The following PRMT8 variants were observed in gnomAD, a reference collection of about 807,000 sequenced individuals.
PRMT8 encodes protein arginine methyltransferase 8.
In PRMT8, 7 loss-of-function variants were observed where a neutral mutation model predicts 47.1. The ratio of observed to expected loss-of-function variants is 0.15; its 90% CI spans 0.08 to 0.28. The LOEUF (loss-of-function observed/expected upper bound fraction) is 0.28, where lower values mean the gene tolerates loss of function less well. PRMT8 is among the 10% of genes least tolerant of loss of function. The pLI, the probability that PRMT8 is intolerant of heterozygous loss-of-function variation, is 1.00. For synonymous variants in PRMT8, 188 were observed against 186.5 expected (o/e 1.01, Z -0.07); for missense variants, 237 against 505.4 (o/e 0.47, Z 5.09).
At chr12:3,568,983 C>CTA in intron 5 of PRMT8, 135 bp downstream of exon 5, 2 of 1,210,040 alleles carry the variant, frequency 1.7e-6, no homozygotes, top group East Asian at 4.7e-5. Flanking sequence ...AAGCCCCTCT[C>CTA]TCTAGAGCAG....
At chr12:3,428,285 G>A (rs1375433497) in intron 1 of PRMT8, among the ~76,000 whole-genome samples, 1 of 151,316 alleles carries the variant, frequency 6.6e-6, no homozygotes, top group Admixed American at 6.6e-5. Context: ...TATACTTGAA[G>A]ATTTTTAAGT....
chr12:3,454,052 C>A (rs1033959224), intron 1 of PRMT8, among the ~76,000 whole-genome samples: 2 of 152,166 alleles, frequency 1.3e-5, no homozygotes, highest in Admixed American at 1.3e-4. Flanking sequence ...CTAGCCCAGC[C>A]TCTAGAGAAC....
At chr12:3,507,363 C>T (rs993234646) in intron 1 of PRMT8, among the ~76,000 whole-genome samples, 4 of 152,110 alleles carry the variant, frequency 2.6e-5, no homozygotes, top group African/African-American at 2.4e-5. Context: ...CCTCGTGATC[C>T]GCCCGCCTCG....
At chr12:3,528,985 A>T (rs577687931) in intron 1 of PRMT8, among the ~76,000 whole-genome samples, 5 of 152,316 alleles carry the variant, frequency 3.3e-5, no homozygotes, top group African/African-American at 1.2e-4. Flanking sequence ...TGTGAGCCCC[A>T]CAGAGAAGTC....
chr12:3,589,188 G>A (rs1025170670), intron 8 of PRMT8, among the ~76,000 whole-genome samples: 7 of 152,172 alleles, frequency 4.6e-5, no homozygotes, highest in African/African-American at 1.2e-4. Context: ...TTAAGGACAC[G>A]TATGCAGGTG....
intron 1 of PRMT8, among the ~76,000 whole-genome samples, chr12:3,470,517 C>T (rs1591559754): frequency 1.3e-5 from 2 of 152,100 alleles, no homozygotes; most frequent in Admixed American, 6.5e-5. Flanking sequence ...CTGTGAGCTC[C>T]GTCCCTCCAG....
In PRMT8 at chr12:3,540,551, G is replaced by A. The variant is rs900666744; in HGVS notation, c.76-55G>A. On this transcript the variant is annotated intron_variant, in intron 1 of 9. Coordinates refer to ENST00000382622, the MANE Select transcript of PRMT8 (RefSeq NM_019854.5). The stretch of plus-strand genomic sequence containing the variant: ...GAAGGAAAGAGGACCGCAAGCCTCC[G>A]AGGGCGGGACCCCGTTGTCTCTCCT... 8.1e-6 allele frequency: 10 copies of A among 1,233,024 alleles called. 1 individual carries two copies. Among genetic ancestry groups the A allele is most frequent in the South Asian group, 3.9e-5 (3 of 77,028 alleles). 76.4% of individuals were successfully genotyped at this position (1,233,024 alleles called of 1,614,324 possible). A position where few individuals can be genotyped will look rare whatever the true frequency, so the allele number is the denominator to read the frequency against.
At chr12:3,410,075 C>G (rs1864411318) in intron 1 of PRMT8, among the ~76,000 whole-genome samples, 1 of 152,182 alleles carries the variant, frequency 6.6e-6, no homozygotes, top group East Asian at 1.9e-4. Context: ...TTCACCAAGA[C>G]TCTTTTTTTT....
intron 1 of PRMT8, among the ~76,000 whole-genome samples, chr12:3,529,388 CATT>C (rs905590137): frequency 4.6e-5 from 7 of 151,898 alleles, no homozygotes; most frequent in Admixed American, 3.3e-4. Context: ...TTTTTTAACT[CATT>C]GTTGGGTTGC....
At chr12:3,465,347 C>T (rs1865087726) in intron 1 of PRMT8, among the ~76,000 whole-genome samples, 1 of 149,800 alleles carries the variant, frequency 6.7e-6, no homozygotes, top group Non-Finnish European at 1.5e-5. Flanking sequence ...AACCCGACTC[C>T]TCTCTTTGTT....
rs371646818 is a variant in PRMT8, at chr12:3,558,301, A to G, written c.481+4587A>G. Reference sequence around the variant, plus strand: ...TATTTTAACCTTTGAAATACTCAATATACAGAAAAGGTGCGCACACAGCCG... The same window carrying G: ...TATTTTAACCTTTGAAATACTCAATGTACAGAAAAGGTGCGCACACAGCCG... On this transcript the variant is annotated intron_variant, in intron 4 of 9. Transcript: ENST00000382622. Among the ~76,000 whole-genome samples the G allele has an allele frequency of 2.0e-3, 302 of 151,532 alleles. 3 individuals are homozygous for G. The highest frequency in any genetic ancestry group is 7.2e-3 in the African/African-American group (296 of 41,196).
At chr12:3,469,520 C>A (rs78167887) in intron 1 of PRMT8, among the ~76,000 whole-genome samples, 2,853 of 152,096 alleles carry the variant, frequency 0.019, 94 homozygotes, top group African/African-American at 0.066. Flanking sequence ...GCAGAACAGG[C>A]AAATCCAGAG....
rs1166887557 is a variant in PRMT8 at position 3,572,900 on chromosome 12, C to T, written c.712+3336C>T. Among the ~76,000 whole-genome samples, 2 of 152,174 alleles carry T rather than the reference C, an allele frequency of 1.3e-5. No individual in the cohort carries two copies. The highest frequency in any genetic ancestry group is 2.9e-5 in the Non-Finnish European group (2 of 68,034). ...CCCCTGGTACTTAATTTTCTTTCCT[C>T]AGACTGTTTTTGAGATTTCTGTCTT... On this transcript the variant is annotated intron_variant, in intron 6 of 9. Coordinates refer to ENST00000382622, the MANE Select transcript of PRMT8 (RefSeq NM_019854.5). This position sits in a 1 kb window ranked among gnomAD's most constrained non-coding sequence, Gnocchi z 5.9.
intron 1 of PRMT8, among the ~76,000 whole-genome samples, chr12:3,442,202 G>T (rs952934875): frequency 2.6e-5 from 4 of 152,180 alleles, no homozygotes; most frequent in African/African-American, 9.6e-5. Flanking sequence ...AACAACGGAA[G>T]TAATATTGGA....
Position 3,492,244 on chromosome 12 carries a change from G to A in PRMT8, c.75+544G>A, listed in dbSNP as rs1191843070. ...AGCCCCCGGCCGCGGGGGCCGAGCC[G>A]GCAGGAGGACTCGGGCACCTCCTAC... On this transcript the variant is annotated intron_variant, in intron 1 of 9. Transcript: ENST00000382622. This position sits in a 1 kb window ranked among gnomAD's most constrained non-coding sequence, Gnocchi z 7.5. Among the ~76,000 whole-genome samples the A allele has an allele frequency of 6.6e-6, 1 of 152,022 alleles. No individual in the cohort carries two copies. The highest frequency in any genetic ancestry group is 1.5e-5 in the Non-Finnish European group (1 of 67,990).
At chr12:3,391,144 A>G (rs1269714647) in intron 1 of PRMT8, among the ~76,000 whole-genome samples, 2 of 152,104 alleles carry the variant, frequency 1.3e-5, no homozygotes, top group African/African-American at 2.4e-5. Context: ...TTTTCGGTAG[A>G]TCTTTAATGA....
rs553898967 is a variant in PRMT8 at position 3,491,418 on chromosome 12, C to T, written c.-208C>T. On this transcript the variant is annotated 5_prime_UTR_variant, in exon 1 of 10. Transcript: ENST00000382622. ...AGAACTTGAAACCGTGTGAAGGAAT[C>T]CGGAGCAGATGAGAAGGGAGGAAAA... 268 of 1,339,170 alleles carry T rather than the reference C, an allele frequency of 2.0e-4. No individual in the cohort carries two copies. The African/African-American group carries it at 3.6e-3, about 18-fold the overall frequency. 83.0% of individuals were successfully genotyped at this position (1,339,170 alleles called of 1,614,324 possible).
chr12:3,395,002 G>T (rs1864234266), intron 1 of PRMT8, among the ~76,000 whole-genome samples: 1 of 152,028 alleles, frequency 6.6e-6, no homozygotes, highest in African/African-American at 2.4e-5. Flanking sequence ...TTTGCGTAGA[G>T]GTGTTTGTAG....
chr12:3,395,958 A>G (rs1451469543), intron 1 of PRMT8, among the ~76,000 whole-genome samples: 1 of 151,330 alleles, frequency 6.6e-6, no homozygotes, highest in African/African-American at 2.4e-5. Context: ...TCCCTTTACC[A>G]TTATGTAATG....
Sources: allele counts gnomAD v4.1 joint callset (sites outside exome capture counted in the v4.1 genomes callset), GRCh38; gene constraint gnomAD v4.1.1; non-coding constraint Gnocchi (gnomAD v3.1); transcripts MANE v1.5; gene names NCBI Gene and HGNC (gene_info 2026-07-23, HGNC 2026-07-21).